MSR1: variants seen among roughly 807,000 people sequenced by gnomAD.
MSR1 encodes the protein macrophage scavenger receptor 1.
In MSR1, 53 loss-of-function variants were observed where a neutral mutation model predicts 47.2. That is an observed-to-expected ratio of 1.12 (90% CI 0.90 to 1.41). MSR1 has a LOEUF of 1.41. MSR1 is among the 40% of genes most tolerant of loss of function. The probability of loss-of-function intolerance (pLI) is 0.00; values close to 1 mark genes in which losing one functional copy is unlikely to be tolerated. For synonymous variants in MSR1, 239 were observed against 185.6 expected (o/e 1.29, Z -2.34); for missense variants, 786 against 546.9 (o/e 1.44, Z -4.36).
chr8:16,126,133 C>T (rs1800122780), intron 8 of MSR1, among the ~76,000 whole-genome samples: 1 of 152,036 alleles, frequency 6.6e-6, no homozygotes, highest in South Asian at 2.1e-4. Context: ...CTGAACCCTG[C>T]ACAAATTATT....
At chr8:16,113,870 C>G (rs1013806855) in intron 9 of MSR1, among the ~76,000 whole-genome samples, 4 of 151,912 alleles carry the variant, frequency 2.6e-5, no homozygotes. Flanking sequence ...AGGCATGAAT[C>G]TTGACCCTTC....
At position 16,108,266 on chromosome 8, in the gene MSR1, AAATAGT is replaced by A. The variant is rs1302553249; in HGVS notation, c.*1813_*1818del. ...AAAGGTAAATTTTATTTTAAAATAAAAATAGTAATAGTAATAGTACTATTATTAGTG... is the reference window on the plus strand; with the variant it reads ...AAAGGTAAATTTTATTTTAAAATAAAAATAGTAATAGTACTATTATTAGTG... On this transcript the variant is annotated 3_prime_UTR_variant, in exon 10 of 10. Coordinates refer to ENST00000262101, the MANE Select transcript of MSR1 (RefSeq NM_138715.3). The A allele has an allele frequency of 1.3e-5, 2 of 150,888 alleles. No individual in the cohort carries two copies. Among genetic ancestry groups the A allele is most frequent in the Admixed American group, 6.6e-5 (1 of 15,084 alleles). 9.3% of individuals were successfully genotyped at this position (150,888 alleles called of 1,614,324 possible). A position where few individuals can be genotyped will look rare whatever the true frequency, so the allele number is the denominator to read the frequency against.
At chr8:16,173,679 G>A (rs769612362) in intron 3 of MSR1, among the ~76,000 whole-genome samples, 3 of 151,518 alleles carry the variant, frequency 2.0e-5, no homozygotes, top group South Asian at 2.1e-4. Flanking sequence ...ACGGAGTCTC[G>A]CTCTGTCCCC....
chr8:16,136,550 G>A (rs1382500831), intron 8 of MSR1, among the ~76,000 whole-genome samples: 1 of 151,922 alleles, frequency 6.6e-6, no homozygotes. Flanking sequence ...TATGTCCACA[G>A]TATGCCTGTA....
chr8:16,188,055 T>C (rs1802054333), intron 1 of MSR1, among the ~76,000 whole-genome samples: 1 of 152,154 alleles, frequency 6.6e-6, no homozygotes, highest in South Asian at 2.1e-4. Flanking sequence ...CACATAAAGT[T>C]ACTCTTCCTA....
chr8:16,160,592 A>G (rs1031047665), intron 5 of MSR1, among the ~76,000 whole-genome samples: 2 of 151,980 alleles, frequency 1.3e-5, no homozygotes, highest in Non-Finnish European at 2.9e-5. Context: ...GGTAAAAACT[A>G]TGAGGAAATT....
chr8:16,140,744 G>C, intron 8 of MSR1: 1 of 1,424,682 alleles, frequency 7.0e-7, no homozygotes, highest in Non-Finnish European at 9.1e-7. Flanking sequence ...GAGGTGTCCA[G>C]GCTGGGGGTG....
chr8:16,159,710 G>A (rs1485089236), intron 5 of MSR1, among the ~76,000 whole-genome samples: 4 of 151,954 alleles, frequency 2.6e-5, no homozygotes, highest in South Asian at 2.1e-4. Context: ...CACTGTTCTC[G>A]AAGAGAATAT....
At chr8:16,157,355 T>C (rs536812796) in intron 5 of MSR1, among the ~76,000 whole-genome samples, 4 of 151,920 alleles carry the variant, frequency 2.6e-5, no homozygotes, top group Non-Finnish European at 5.9e-5. Flanking sequence ...TCACAGCGAA[T>C]AGATCAGTAT....
At chr8:16,138,484 G>A (rs1285112559) in intron 8 of MSR1, among the ~76,000 whole-genome samples, 1 of 152,118 alleles carries the variant, frequency 6.6e-6, no homozygotes, top group Admixed American at 6.5e-5. Flanking sequence ...TCCATTTTTT[G>A]TCTAAAGAGA....
At chr8:16,153,682 T>C (rs1355283583) in intron 6 of MSR1, among the ~76,000 whole-genome samples, 2 of 152,016 alleles carry the variant, frequency 1.3e-5, no homozygotes, top group East Asian at 3.9e-4. Flanking sequence ...CTGCAGAAGA[T>C]TCTCCCAAGA....
chr8:16,114,647 T>C (rs1585131111), intron 9 of MSR1, among the ~76,000 whole-genome samples: 4 of 152,196 alleles, frequency 2.6e-5, no homozygotes, highest in East Asian at 1.9e-4. Context: ...ATTAAACTTG[T>C]TTTGTCTAGT....
chr8:16,171,196 T>G (rs1224744545), intron 3 of MSR1, among the ~76,000 whole-genome samples: 1 of 123,098 alleles, frequency 8.1e-6, no homozygotes, highest in Non-Finnish European at 1.6e-5. Context: ...TGCACTGCAC[T>G]CCAGCCTGGC....
intron 5 of MSR1, among the ~76,000 whole-genome samples, chr8:16,161,382 T>G (rs1426348392): frequency 6.6e-6 from 1 of 151,972 alleles, no homozygotes; most frequent in Non-Finnish European, 1.5e-5. Flanking sequence ...GTTTTGAATT[T>G]GTAAAGCTTC....
At chr8:16,165,825 C>A (rs540411926) in intron 4 of MSR1, among the ~76,000 whole-genome samples, 1 of 152,200 alleles carries the variant, frequency 6.6e-6, no homozygotes, top group East Asian at 1.9e-4. Flanking sequence ...GACTTACCAG[C>A]TTTTATTGCT....
intron 8 of MSR1, among the ~76,000 whole-genome samples, chr8:16,126,358 C>T (rs1376542335): frequency 1.3e-5 from 2 of 152,016 alleles, no homozygotes; most frequent in African/African-American, 4.8e-5. Flanking sequence ...CTATTGTTTA[C>T]TCATAGTCAT....
intron 5 of MSR1, among the ~76,000 whole-genome samples, chr8:16,163,526 A>G (rs924584981): frequency 1.3e-5 from 2 of 151,384 alleles, no homozygotes; most frequent in Non-Finnish European, 3.0e-5. Context: ...GTAAAGCTAA[A>G]ACTGAAAGCC....
At chr8:16,188,682 C>A (rs1171926552) in intron 1 of MSR1, among the ~76,000 whole-genome samples, 6 of 151,898 alleles carry the variant, frequency 4.0e-5, no homozygotes, top group African/African-American at 1.5e-4. Flanking sequence ...TACTGACAGG[C>A]CCCGGTGTGT....
chr8:16,143,675 G>A (rs1402489288), intron 7 of MSR1, 64 bp from the exon 8 acceptor site: 7 of 1,191,026 alleles, frequency 5.9e-6, no homozygotes, highest in East Asian at 2.4e-5. Flanking sequence ...GCTTTAACTG[G>A]AGACAGATCA....
Sources: allele counts gnomAD v4.1 joint callset (sites outside exome capture counted in the v4.1 genomes callset), GRCh38; gene constraint gnomAD v4.1.1; transcripts MANE v1.5; gene names NCBI Gene and HGNC (gene_info 2026-07-23, HGNC 2026-07-21).